COL3A1: variants seen among roughly 807,000 people sequenced by gnomAD.
The protein encoded by COL3A1 is collagen type III alpha 1 chain.
In COL3A1, 46 loss-of-function variants were observed where a neutral mutation model predicts 200.9. That is an observed-to-expected ratio of 0.23 (90% CI 0.18 to 0.29). COL3A1 has a LOEUF of 0.29. Ranked by LOEUF, COL3A1 falls within the 10% of genes least tolerant of loss-of-function variation. The pLI is 1.00. For synonymous variants in COL3A1, 650 were observed against 628.0 expected, an observed-to-expected ratio of 1.03 and a Z score of -0.52; for missense variants, 1,367 against 1,917.6, an observed-to-expected ratio of 0.71 and a Z score of 5.36.
chr2:189,005,484 C>G (rs767440778), intron 41 of COL3A1, 27 bp downstream of exon 41: 13 of 1,560,880 alleles, frequency 8.3e-6, no homozygotes, highest in Non-Finnish European at 1.1e-5. Flanking sequence ...ATTCAACCAG[C>G]CAGGTAGAAT....
Position 189,004,287 on chromosome 2 carries a change from A to T in COL3A1, c.2854A>T (p.Ile952Phe). Residue 952 changes from isoleucine (I) to phenylalanine (F), a missense_variant, in exon 40 of 51, where the codon ATC becomes TTC. This residue lies in a region of COL3A1 where 846 missense variants were observed against 1,147.9 expected (regional missense o/e 0.74). Coordinates refer to ENST00000304636, the MANE Select transcript of COL3A1 (RefSeq NM_000090.4). Reference protein sequence around the residue: ...GAPGPLGIAGITGARGLAGPP... With the variant: ...GAPGPLGIAGFTGARGLAGPP... Reference sequence around the variant, plus strand: ...TCCAGGCCCACTTGGGATTGCTGGGATCACTGGAGCACGGGGTCTTGCAGG... The same window carrying T: ...TCCAGGCCCACTTGGGATTGCTGGGTTCACTGGAGCACGGGGTCTTGCAGG... 6.2e-7 allele frequency: 1 copy of T among 1,607,626 alleles called. No homozygotes were observed. The highest frequency in any genetic ancestry group is 8.5e-7 in the Non-Finnish European group (1 of 1,177,318).
At chr2:188,993,026 T>TAAAAA in intron 15 of COL3A1, 86 bp downstream of exon 15, 1 of 1,245,946 alleles carries the variant, frequency 8.0e-7, no homozygotes, top group Non-Finnish European at 1.2e-6. Flanking sequence ...CTGATTTTTT[T>TAAAAA]AATCAGTCAA....
At position 188,991,655 on chromosome 2, in the gene COL3A1, A is replaced by G. The variant is rs763316592; in HGVS notation, c.898-14A>G. On this transcript the variant is annotated splice_polypyrimidine_tract_variant and intron_variant, in intron 12 of 50. Transcript: ENST00000304636. ...AAGATTAGAGTAAAACCATATTTCA[A>G]TTTTACTCTGTAGGGTCCAAGAGGG... is the stretch of plus-strand genomic sequence containing the variant. The G allele has an allele frequency of 2.6e-5, 42 of 1,613,694 alleles. No individual in the cohort carries two copies. Among genetic ancestry groups the G allele is most frequent in the Admixed American group, 3.3e-5 (2 of 59,972 alleles).
intron 35 of COL3A1, 124 bp from the exon 36 acceptor site, chr2:189,002,831 T>C (rs1688497095): frequency 1.3e-6 from 1 of 793,306 alleles, no homozygotes; most frequent in African/African-American, 1.7e-5. Flanking sequence ...CAGAAAGCCT[T>C]GTTTTTAAAT....
At chr2:188,999,951 C>T (rs1688420520) in intron 32 of COL3A1, 56 bp downstream of exon 32, 1 of 1,522,184 alleles carries the variant, frequency 6.6e-7, no homozygotes, top group Non-Finnish European at 9.0e-7. Context: ...ATGGGACAGT[C>T]CTGCACTTCA....
intron 14 of COL3A1, 98 bp downstream of exon 14, chr2:188,992,326 T>TATATATGCATATGC: frequency 1.0e-6 from 1 of 999,028 alleles, no homozygotes; most frequent in South Asian, 1.4e-5. Context: ...CTTAGGTATA[T>TATATATGCATATGC]ATATATGCAT....
intron 2 of COL3A1, 81 bp downstream of exon 2, chr2:188,985,043 G>C: frequency 6.9e-7 from 1 of 1,452,062 alleles, no homozygotes; most frequent in Non-Finnish European, 9.6e-7. Flanking sequence ...GAGCCTAAAA[G>C]GGAATGAAAG....
rs1183070767 is a variant in COL3A1, at chr2:189,005,391, A to G, written c.2973A>G (p.Glu991=). 6.2e-7 allele frequency: 1 copy of G among 1,614,138 alleles called. No homozygotes were observed. The highest frequency in any genetic ancestry group is 1.3e-5 in the African/African-American group (1 of 75,054). The change falls in exon 41 of 51, where the codon GAA becomes GAG. Residue 991 remains glutamate (E), a synonymous_variant. Coordinates refer to ENST00000304636, the MANE Select transcript of COL3A1 (RefSeq NM_000090.4). ...CAGGAGCTAACGGTCTCAGTGGAGA[A>G]CGTGGTCCCCCTGGACCCCAGGGTC... The part of the protein sequence containing the change: ...GKPGANGLSG[E]RGPPGPQGLP...
chr2:188,992,549 C>T (rs1280125020), intron 14 of COL3A1, among the ~76,000 whole-genome samples: 1 of 151,956 alleles, frequency 6.6e-6, no homozygotes, highest in Non-Finnish European at 1.5e-5. Flanking sequence ...TAGTTAATAT[C>T]CTATGTAAGA....
At chr2:189,011,004 T>A (rs1414688054) in intron 50 of COL3A1, 114 bp downstream of exon 50, 1 of 1,370,148 alleles carries the variant, frequency 7.3e-7, no homozygotes, top group Non-Finnish European at 1.0e-6. Context: ...AAGATAGCAT[T>A]TGGTATGAAT....
In COL3A1 at chr2:189,011,610, T is replaced by C. The variant is rs971318166; in HGVS notation, c.4255-18T>C. ...AATTGTAATGTCATGATCATGTACA[T>C]TTTGTCCTTTTTTACAGAAACACAC... On this transcript the variant is annotated intron_variant, in intron 50 of 50. Coordinates refer to ENST00000304636, the MANE Select transcript of COL3A1 (RefSeq NM_000090.4). The C allele has an allele frequency of 5.0e-6, 8 of 1,613,764 alleles. No homozygotes were observed. The Admixed American group carries it at 1.3e-4, about 27-fold the overall frequency.
chr2:188,978,985 T>G (rs1203923015), intron 1 of COL3A1, among the ~76,000 whole-genome samples: 1 of 151,956 alleles, frequency 6.6e-6, no homozygotes, highest in Non-Finnish European at 1.5e-5. Flanking sequence ...GATTAACTAA[T>G]AAAACCCTTG....
chr2:188,997,706 G>A lies in COL3A1; in HGVS notation c.1876G>A (p.Gly626Ser), dbSNP rs1432804171. ...TATCATTATACTTTTCTAGGGGCCT[G>A]GTGGTGACAAAGGAGACACAGGACC... Reference protein sequence around the residue: ...PQGPPGPTGPGGDKGDTGPPG... With the variant: ...PQGPPGPTGPSGDKGDTGPPG... The change falls in exon 27 of 51, where the codon GGT becomes AGT. Residue 626 changes from glycine (G) to serine (S), a missense_variant. Gly to Ser is a moderately conservative substitution (Grantham distance 56). Transcript: ENST00000304636. 1 of 1,613,564 alleles carries A rather than the reference G, an allele frequency of 6.2e-7. No homozygotes were observed. Among genetic ancestry groups the A allele is most frequent in the Non-Finnish European group, 8.5e-7 (1 of 1,179,526 alleles).
At position 189,007,937 on chromosome 2, in the gene COL3A1, G is replaced by T; in HGVS notation, c.3416G>T (p.Arg1139Ile). The T allele has an allele frequency of 6.2e-7, 1 of 1,614,164 alleles. No individual in the cohort carries two copies. Among genetic ancestry groups the T allele is most frequent in the Non-Finnish European group, 8.5e-7 (1 of 1,180,036 alleles). Residue 1139 changes from arginine to isoleucine, a missense_variant and splice_region_variant, in exon 46 of 51, where the codon AGA becomes ATA. Around this residue, in one of 5 missense-constraint regions of COL3A1, gnomAD observed 846 missense variants for 1,147.9 expected, o/e 0.74. Coordinates refer to ENST00000304636, the MANE Select transcript of COL3A1 (RefSeq NM_000090.4). ...GGCAGTCCAGGACCTGCAGGCCCCA[G>T]AGTAAGTAGCACAGAAAGATATTAC... ...AIGSPGPAGP[R>I]GPVGPSGPPG... is the part of the protein sequence containing the mutation.
intron 11 of COL3A1, 151 bp downstream of exon 11, chr2:188,991,208 T>G (rs1320820799): frequency 1.2e-6 from 1 of 802,118 alleles, no homozygotes; most frequent in African/African-American, 1.8e-5. Context: ...ATTCAGATAT[T>G]CTATTAACGC....
chr2:188,974,837 A>G (rs1180547403), intron 1 of COL3A1, among the ~76,000 whole-genome samples: 1 of 152,204 alleles, frequency 6.6e-6, no homozygotes, highest in Non-Finnish European at 1.5e-5. Context: ...AAACTTTTAA[A>G]AATGGCTTTA....
intron 3 of COL3A1, 23 bp downstream of exon 3, chr2:188,985,270 A>G (rs1688041719): frequency 1.3e-6 from 2 of 1,558,698 alleles, no homozygotes; most frequent in Non-Finnish European, 1.8e-6. Context: ...TCTTCAGTAG[A>G]ATAAAATTAA....
intron 49 of COL3A1, 137 bp from the exon 50 acceptor site, chr2:189,010,511 T>C: frequency 2.0e-6 from 3 of 1,487,114 alleles, no homozygotes; most frequent in Non-Finnish European, 2.8e-6. Context: ...GCAATAAAAA[T>C]ATTTTCACAC....
chr2:188,992,053 A>AT, intron 13 of COL3A1, 131 bp from the exon 14 acceptor site: 1 of 855,516 alleles, frequency 1.2e-6, no homozygotes, highest in Non-Finnish European at 2.0e-6. Flanking sequence ...TTTAAAATAC[A>AT]TAATTATTAA....
Sources: gnomAD v4.1 joint callset for allele counts (sites outside exome capture counted in the v4.1 genomes callset) on GRCh38, gnomAD v4.1.1 for gene constraint, gnomAD v4.1.1 regional missense constraint, MANE v1.5 for transcripts, NCBI Gene and HGNC (gene_info 2026-07-23, HGNC 2026-07-21) for gene names.